Variants in GPR39 observed in about 807,000 individuals in gnomAD.
The protein encoded by GPR39 is G protein-coupled receptor 39.
GPR39 carries 23 observed loss-of-function variants against 18.4 expected under a neutral mutation model. The ratio of observed to expected loss-of-function variants is 1.25; its 90% CI spans 0.90 to 1.77. The LOEUF is 1.77. GPR39 is among the 40% of genes most tolerant of loss of function. GPR39 has a pLI of 0.00. For synonymous variants in GPR39, 280 were observed against 257.9 expected, an observed-to-expected ratio of 1.09 and a Z score of -0.82; for missense variants, 647 against 602.4, an observed-to-expected ratio of 1.07 and a Z score of -0.78.
chr2:132,437,785 A>G (rs1428636204), intron 1 of GPR39, among the ~76,000 whole-genome samples: 2 of 152,154 alleles, frequency 1.3e-5, no homozygotes, highest in African/African-American at 4.8e-5. Context: ...GAAGGCTGAC[A>G]TGTCAAGGGA....
intron 1 of GPR39, among the ~76,000 whole-genome samples, chr2:132,596,125 C>A (rs141500577): frequency 1.3e-5 from 2 of 152,112 alleles, no homozygotes; most frequent in Non-Finnish European, 2.9e-5. Context: ...CGATTGCATG[C>A]GGAAGGAAAG....
intron 1 of GPR39, among the ~76,000 whole-genome samples, chr2:132,637,657 A>T (rs1681787682): frequency 6.6e-6 from 1 of 152,254 alleles, no homozygotes; most frequent in Admixed American, 6.5e-5. Flanking sequence ...TAGAAAAGTG[A>T]TTGCAAAGTT....
chr2:132,612,119 C>T (rs905342091), intron 1 of GPR39, among the ~76,000 whole-genome samples: 14 of 152,168 alleles, frequency 9.2e-5, no homozygotes, highest in Middle Eastern at 3.2e-3. Flanking sequence ...AAGTTCTAAA[C>T]GCTCAGGCCA....
chr2:132,417,075 C>G lies in GPR39; in HGVS notation c.33C>G (p.Cys11Trp). The G allele has an allele frequency of 6.2e-7, 1 of 1,614,128 alleles. No homozygotes were observed. Among genetic ancestry groups the G allele is most frequent in the Non-Finnish European group, 8.5e-7 (1 of 1,180,006 alleles). ...CACCCAGCCTCCCGGGCAGTGACTG[C>G]TCCCAAATCATTGATCACAGTCATG... MASPSLPGSD[C>W]SQIIDHSHVP... is the part of the protein sequence containing the mutation. Residue 11 changes from cysteine to tryptophan, a missense_variant, in exon 1 of 2, where the codon TGC becomes TGG. By Grantham distance (215) the Cys-to-Trp change is radical (BLOSUM62 -2). Around this residue, in one of 3 missense-constraint regions of GPR39, gnomAD observed 61 missense variants for 79.2 expected, o/e 0.77. Transcript: ENST00000329321.
intron 1 of GPR39, among the ~76,000 whole-genome samples, chr2:132,558,628 T>C (rs1260837152): frequency 6.6e-6 from 1 of 152,156 alleles, no homozygotes; most frequent in Non-Finnish European, 1.5e-5. Context: ...AAGCTTTTTC[T>C]TCAGGGCCTA....
intron 1 of GPR39, among the ~76,000 whole-genome samples, chr2:132,494,034 G>T (rs912642624): frequency 1.3e-5 from 2 of 152,142 alleles, no homozygotes; most frequent in African/African-American, 4.8e-5. Context: ...TCTCCAGAGG[G>T]AGGAGAGCAG....
At position 132,632,467 on chromosome 2, in the gene GPR39, C is replaced by T. The variant is rs558898847; in HGVS notation, c.857-12634C>T. On this transcript the variant is annotated intron_variant, in intron 1 of 1. Transcript: ENST00000329321. ...CTTGTGGCCATTTCAATTGAATTAC[C>T]TTAATTTGCATTTGCGACTCAGAAA... Among the ~76,000 whole-genome samples the T allele has an allele frequency of 2.0e-5, 3 of 152,240 alleles. No homozygotes were observed. In the South Asian group the frequency reaches 6.2e-4, roughly 32 times the overall value.
intron 1 of GPR39, among the ~76,000 whole-genome samples, chr2:132,582,074 G>A (rs1431799816): frequency 1.8e-4 from 27 of 152,240 alleles, no homozygotes; most frequent in Admixed American, 1.8e-3. Flanking sequence ...TTAAGTGACA[G>A]GTGTGCTGGG....
At chr2:132,531,180 C>T (rs1301918485) in intron 1 of GPR39, among the ~76,000 whole-genome samples, 1 of 151,552 alleles carries the variant, frequency 6.6e-6, no homozygotes, top group Non-Finnish European at 1.5e-5. Context: ...AAATGGAAAA[C>T]AAAAAAAGGC....
chr2:132,537,088 T>C (rs566800245), intron 1 of GPR39, among the ~76,000 whole-genome samples: 1 of 152,356 alleles, frequency 6.6e-6, no homozygotes, highest in East Asian at 1.9e-4. Flanking sequence ...AATATTGTTA[T>C]GTGGTAATTT....
intron 1 of GPR39, among the ~76,000 whole-genome samples, chr2:132,611,071 C>T (rs1301437975): frequency 6.6e-6 from 1 of 152,224 alleles, no homozygotes; most frequent in Non-Finnish European, 1.5e-5. Flanking sequence ...TTCTGCCACA[C>T]TATCTACCTC....
intron 1 of GPR39, among the ~76,000 whole-genome samples, chr2:132,594,495 T>G (rs567189022): frequency 1.4e-3 from 207 of 152,138 alleles, no homozygotes; most frequent in African/African-American, 4.2e-3. Context: ...CCTATCCCTC[T>G]GGGCGTAGAA....
chr2:132,455,095 T>C (rs2104773269), intron 1 of GPR39, among the ~76,000 whole-genome samples: 1 of 152,352 alleles, frequency 6.6e-6, no homozygotes, highest in Non-Finnish European at 1.5e-5. Context: ...AATTCGGCTG[T>C]GAACCTGTCT....
intron 1 of GPR39, among the ~76,000 whole-genome samples, chr2:132,530,656 T>C (rs1033788106): frequency 1.3e-5 from 2 of 152,214 alleles, no homozygotes; most frequent in Admixed American, 1.3e-4. Context: ...TCTGATCTCT[T>C]GGCAGAAACT....
chr2:132,567,270 C>T (rs769217046), intron 1 of GPR39, among the ~76,000 whole-genome samples: 2 of 151,978 alleles, frequency 1.3e-5, no homozygotes, highest in East Asian at 1.9e-4. Flanking sequence ...TGCGGTGAGC[C>T]GAGATTGCAC....
At chr2:132,589,737 G>T (rs1680796083) in intron 1 of GPR39, among the ~76,000 whole-genome samples, 1 of 152,210 alleles carries the variant, frequency 6.6e-6, no homozygotes, top group South Asian at 2.1e-4. Context: ...CCAAACAAAA[G>T]GTGTCCCATT....
intron 1 of GPR39, among the ~76,000 whole-genome samples, chr2:132,485,458 G>C (rs1426354233): frequency 6.6e-6 from 1 of 152,148 alleles, no homozygotes; most frequent in Non-Finnish European, 1.5e-5. Context: ...AAGCAATACT[G>C]TTTTATAGCA....
intron 1 of GPR39, among the ~76,000 whole-genome samples, chr2:132,631,619 T>C (rs980930605): frequency 6.6e-6 from 1 of 152,202 alleles, no homozygotes; most frequent in Non-Finnish European, 1.5e-5. Flanking sequence ...TTTCTGCCTC[T>C]GGTCCTGGCA....
chr2:132,518,083 C>T (rs1207677263), intron 1 of GPR39, among the ~76,000 whole-genome samples: 1 of 152,158 alleles, frequency 6.6e-6, no homozygotes, highest in East Asian at 1.9e-4. Flanking sequence ...AATAATAAGG[C>T]TTTAACATAT....
Sources: gnomAD v4.1 joint callset for allele counts (sites outside exome capture counted in the v4.1 genomes callset) on GRCh38, gnomAD v4.1.1 for gene constraint, gnomAD v4.1.1 regional missense constraint, MANE v1.5 for transcripts, NCBI Gene and HGNC (gene_info 2026-07-23, HGNC 2026-07-21) for gene names.